KSR2: variants seen among roughly 807,000 people sequenced by gnomAD.
KSR2 encodes the protein kinase suppressor of ras 2.
Under a neutral mutation model 107.8 loss-of-function variants are expected in KSR2, and 25 were observed. The observed-to-expected ratio is 0.23, with a 90% CI of 0.17 to 0.32. The LOEUF is 0.32. KSR2 is among the 10% of genes least tolerant of loss of function. The probability of loss-of-function intolerance (pLI) is 1.00; values close to 1 mark genes in which losing one functional copy is unlikely to be tolerated. For synonymous variants in KSR2, 480 were observed against 507.0 expected (o/e 0.95, Z 0.71); for missense variants, 887 against 1,268.9 (o/e 0.70, Z 4.57).
chr12:117,573,720 G>C (rs956672364), intron 7 of KSR2, among the ~76,000 whole-genome samples: 1 of 151,670 alleles, frequency 6.6e-6, no homozygotes, highest in African/African-American at 2.4e-5. Flanking sequence ...GTGGAGATGG[G>C]GTTTCACCAT....
chr12:117,547,942 T>C (rs2137309989), intron 9 of KSR2, among the ~76,000 whole-genome samples: 1 of 152,086 alleles, frequency 6.6e-6, no homozygotes, highest in Middle Eastern at 3.4e-3. Flanking sequence ...AAAAATATTC[T>C]GAAAATTAGC....
intron 3 of KSR2, among the ~76,000 whole-genome samples, chr12:117,839,956 T>C (rs543706425): frequency 3.3e-4 from 51 of 152,296 alleles, no homozygotes; most frequent in African/African-American, 1.2e-3. Context: ...ACACAACTAC[T>C]TATTTGTTGC....
At chr12:117,645,868 CGTGTGTGTGTGTGTGTGTGTGTGT>C (rs58896782) in intron 5 of KSR2, among the ~76,000 whole-genome samples, 4 of 142,064 alleles carry the variant, frequency 2.8e-5, no homozygotes, top group South Asian at 2.3e-4. Flanking sequence ...TGTGTATGTG[CGTGTGTGTGTGTGTGTGTGTGTGT>C]GTGTGTGTGT....
intron 3 of KSR2, among the ~76,000 whole-genome samples, chr12:117,768,042 G>T (rs1889308537): frequency 6.6e-6 from 1 of 152,142 alleles, no homozygotes; most frequent in Non-Finnish European, 1.5e-5. Context: ...CCACACAGCT[G>T]CTTCAAGGTT....
At chr12:117,817,150 T>C (rs958196678) in intron 3 of KSR2, among the ~76,000 whole-genome samples, 3 of 152,178 alleles carry the variant, frequency 2.0e-5, no homozygotes, top group Non-Finnish European at 4.4e-5. Context: ...TCAACTCTTA[T>C]TCATGAAAAA....
chr12:117,480,113 G>A (rs779647817), intron 16 of KSR2, among the ~76,000 whole-genome samples: 1 of 137,180 alleles, frequency 7.3e-6, no homozygotes, highest in African/African-American at 2.7e-5. Flanking sequence ...CAGTAGGAAT[G>A]TCTTCCATGA....
chr12:117,467,060 T>G lies in KSR2; in HGVS notation c.*139A>C, dbSNP rs1412999272. 2 of 507,964 alleles carry G rather than the reference T, an allele frequency of 3.9e-6. No homozygotes were observed. The highest frequency in any genetic ancestry group is 6.8e-5 in the East Asian group (2 of 29,508). The allele number at this position is 507,964 out of a possible 1,614,324, so 31.5% of individuals were successfully genotyped here. ...GAGGTGCAGGGAGGCCGCCGAGCAG[T>G]TGTCCAGTGCTCCCAGGTCGGTCGG... is the stretch of plus-strand genomic sequence containing the variant. On this transcript the variant is annotated 3_prime_UTR_variant, in exon 20 of 20. Coordinates refer to ENST00000339824, the MANE Select transcript of KSR2 (RefSeq NM_173598.6).
intron 10 of KSR2, among the ~76,000 whole-genome samples, chr12:117,538,828 C>A (rs1329167090): frequency 6.6e-6 from 1 of 152,194 alleles, no homozygotes; most frequent in Non-Finnish European, 1.5e-5. Context: ...TCCAACTGGC[C>A]ATGCCAGTCC....
intron 7 of KSR2, among the ~76,000 whole-genome samples, chr12:117,572,838 G>A (rs141636696): frequency 1.2e-3 from 189 of 152,230 alleles, no homozygotes; most frequent in African/African-American, 4.4e-3. Context: ...GGTTTCCAAG[G>A]AACCAGATCT....
intron 4 of KSR2, among the ~76,000 whole-genome samples, chr12:117,729,226 C>CT (rs1342160930): frequency 6.6e-6 from 1 of 151,606 alleles, no homozygotes; most frequent in African/African-American, 2.4e-5. Flanking sequence ...GCTGCTGGTG[C>CT]TTCTGCGTGG....
intron 7 of KSR2, among the ~76,000 whole-genome samples, chr12:117,573,826 G>C (rs1269581063): frequency 2.0e-5 from 3 of 152,060 alleles, no homozygotes; most frequent in African/African-American, 4.8e-5. Context: ...ACCGTGCCTG[G>C]CTCCTAATCA....
chr12:117,696,609 T>C (rs1886070122), intron 4 of KSR2, among the ~76,000 whole-genome samples: 1 of 152,144 alleles, frequency 6.6e-6, no homozygotes, highest in Non-Finnish European at 1.5e-5. Flanking sequence ...TGTGATATTT[T>C]AGTGATGTTA....
At chr12:117,906,420 C>T (rs1312398144) in intron 1 of KSR2, among the ~76,000 whole-genome samples, 1 of 150,508 alleles carries the variant, frequency 6.6e-6, no homozygotes, top group Admixed American at 6.6e-5. Flanking sequence ...ACCAGCCTGG[C>T]CAATCTGGGG....
intron 2 of KSR2, 45 bp from the exon 3 acceptor site, chr12:117,855,623 AT>A (rs1308491062): frequency 6.3e-7 from 1 of 1,599,486 alleles, no homozygotes; most frequent in Non-Finnish European, 8.6e-7. Flanking sequence ...CAGGAACAGC[AT>A]CTCTGCCTCC....
chr12:117,623,590 T>C (rs1156434514), intron 5 of KSR2, among the ~76,000 whole-genome samples: 1 of 152,250 alleles, frequency 6.6e-6, no homozygotes, highest in Admixed American at 6.5e-5. Context: ...TAGTATTCCA[T>C]GGTGTATATG....
At chr12:117,961,534 A>T (rs1320600864) in intron 1 of KSR2, among the ~76,000 whole-genome samples, 5 of 152,066 alleles carry the variant, frequency 3.3e-5, no homozygotes, top group Non-Finnish European at 7.4e-5. Flanking sequence ...GTGATTTCCA[A>T]ATACCAAGAC....
Position 117,455,030 on chromosome 12 carries a change from C to CAGAGAGAGAGAGAGAGAGAGAGAGAGAG in KSR2, c.*12168_*12169insCTCTCTCTCTCTCTCTCTCTCTCTCTCT, listed in dbSNP as rs1246200364. 3 of 120,174 alleles carry CAGAGAGAGAGAGAGAGAGAGAGAGAGAG rather than the reference C, an allele frequency of 2.5e-5. No individual in the cohort carries two copies. The highest frequency in any genetic ancestry group is 2.4e-4 in the East Asian group (1 of 4,116). The allele number at this position is 120,174 out of a possible 1,614,324, so 7.4% of individuals were successfully genotyped here. ...AGACAGAGACAGACACAGAGACAGA[C>CAGAGAGAGAGAGAGAGAGAGAGAGAGAG]AGACAGAGAGAGAGAGAGAGAGAGA... On this transcript the variant is annotated 3_prime_UTR_variant, in exon 20 of 20. Transcript: ENST00000339824.
At chr12:117,537,297 T>G (rs1180943753) in intron 10 of KSR2, among the ~76,000 whole-genome samples, 1 of 152,200 alleles carries the variant, frequency 6.6e-6, no homozygotes, top group Non-Finnish European at 1.5e-5. Flanking sequence ...TACTCCTATG[T>G]CAAGGTATAT....
At chr12:117,583,664 C>T (rs1199360040) in intron 5 of KSR2, among the ~76,000 whole-genome samples, 1 of 152,168 alleles carries the variant, frequency 6.6e-6, no homozygotes, top group Non-Finnish European at 1.5e-5. Flanking sequence ...CTCCCAAAGA[C>T]CCTGTGCACC....
Sources: allele counts gnomAD v4.1 joint callset (sites outside exome capture counted in the v4.1 genomes callset), GRCh38; gene constraint gnomAD v4.1.1; transcripts MANE v1.5; gene names NCBI Gene and HGNC (gene_info 2026-07-23, HGNC 2026-07-21).